The following IQCE variants were observed in gnomAD, a reference collection of about 807,000 sequenced individuals.
IQCE encodes IQ domain-containing protein E.
IQCE carries 115 observed loss-of-function variants against 96.0 expected under a neutral mutation model. The ratio of observed to expected loss-of-function variants is 1.20; its 90% CI spans 1.03 to 1.40. IQCE has a LOEUF of 1.40. Among genes scored for constraint, IQCE ranks in the 40% most tolerant of loss-of-function variants. IQCE has a pLI of 0.00. For synonymous variants in IQCE, 412 were observed against 371.2 expected (o/e 1.11, Z -1.26); for missense variants, 1,041 against 909.1 (o/e 1.15, Z -1.87).
At chr7:2,575,072 T>G (rs181707235) in intron 6 of IQCE, among the ~76,000 whole-genome samples, 21 of 152,352 alleles carry the variant, frequency 1.4e-4, no homozygotes, top group Non-Finnish European at 2.1e-4. Context: ...CATCTCAGTG[T>G]TGACATTATG....
At chr7:2,586,578 C>G (rs1333966304) in intron 12 of IQCE, among the ~76,000 whole-genome samples, 2 of 152,356 alleles carry the variant, frequency 1.3e-5, no homozygotes, top group Non-Finnish European at 2.9e-5. Flanking sequence ...TCACAGACAT[C>G]CCTGGAGGAG....
At chr7:2,572,590 C>T (rs1781838182) in intron 5 of IQCE, 9 of 615,082 alleles carry the variant, frequency 1.5e-5, no homozygotes, top group South Asian at 8.3e-5. Context: ...AACATAGAGG[C>T]GTACTTAAAT....
At chr7:2,592,885 C>T in intron 14 of IQCE, 137 bp from the exon 15 acceptor site, 1 of 877,504 alleles carries the variant, frequency 1.1e-6, no homozygotes, top group East Asian at 2.6e-5. Context: ...TAGAAATGGG[C>T]CTTTTGTGCT....
chr7:2,568,656 C>T (rs1159932628), intron 2 of IQCE, among the ~76,000 whole-genome samples: 1 of 152,216 alleles, frequency 6.6e-6, no homozygotes, highest in Non-Finnish European at 1.5e-5. Flanking sequence ...TGGGTGGGGG[C>T]AGATCCGCCA....
At chr7:2,609,960 A>C in intron 21 of IQCE, 84 bp from the exon 22 acceptor site, 2 of 753,596 alleles carry the variant, frequency 2.7e-6, no homozygotes, top group African/African-American at 1.7e-5. Context: ...CTGCCGGGGA[A>C]GAGCAGACAG....
intron 1 of IQCE, among the ~76,000 whole-genome samples, chr7:2,560,106 A>C (rs1780830579): frequency 6.6e-6 from 1 of 152,046 alleles, no homozygotes; most frequent in African/African-American, 2.4e-5. Flanking sequence ...GCTACAGTGA[A>C]CTGTGATCAT....
chr7:2,601,614 A>G (rs1189449209), intron 18 of IQCE, 150 bp downstream of exon 18: 4 of 679,884 alleles, frequency 5.9e-6, no homozygotes, highest in African/African-American at 1.8e-5. Flanking sequence ...CAGTGGTGCA[A>G]TCTTGGCTCA....
intron 16 of IQCE, among the ~76,000 whole-genome samples, chr7:2,597,489 G>A (rs776665254): frequency 3.9e-5 from 6 of 152,350 alleles, no homozygotes; most frequent in South Asian, 2.1e-4. Context: ...GGCCACCTGC[G>A]CCTGGCGCCT....
intron 6 of IQCE, 56 bp from the exon 7 acceptor site, chr7:2,578,186 T>C (rs1782351154): frequency 1.5e-6 from 2 of 1,341,090 alleles, no homozygotes; most frequent in South Asian, 1.2e-5. Flanking sequence ...GGGACGTGTG[T>C]GCGGCGTGTG....
intron 18 of IQCE, among the ~76,000 whole-genome samples, chr7:2,603,168 C>T (rs1784551497): frequency 6.6e-6 from 1 of 152,208 alleles, no homozygotes. Context: ...AGGCCCTCAT[C>T]CCGAGGTCTC....
rs774800551 is a variant in IQCE at position 2,598,510 on chromosome 7, C to T, written c.1486C>T (p.Gln496Ter). Residue 496 changes from glutamine to a stop codon, truncating the protein, a stop_gained, in exon 17 of 22, where the codon CAA (glutamine) becomes TAA (stop). Transcript: ENST00000402050. LOFTEE classifies it high-confidence loss of function. ...APTPSSRHCE[Q>*]DWPPDSSEEG... ...CACTCCCAGCAGCAGGCACTGCGAG[C>T]AAGACTGGCCGCCGGATTCCAGCGA... 1 of 1,609,782 alleles carries T rather than the reference C, an allele frequency of 6.2e-7. No individual in the cohort carries two copies. Among genetic ancestry groups the T allele is most frequent in the Non-Finnish European group, 8.5e-7 (1 of 1,178,118 alleles).
intron 20 of IQCE, 113 bp downstream of exon 20, chr7:2,606,110 G>T (rs1161522444): frequency 1.5e-6 from 2 of 1,311,690 alleles, no homozygotes; most frequent in African/African-American, 1.5e-5. Context: ...AGCAGCGCCT[G>T]CCGCCTGCCA....
Position 2,604,907 on chromosome 7 carries a change from C to CT in IQCE, c.1659_1660insT (p.Arg554Ter). The CT allele has an allele frequency of 6.2e-7, 1 of 1,613,774 alleles. No individual in the cohort carries two copies. The highest frequency in any genetic ancestry group is 8.5e-7 in the Non-Finnish European group (1 of 1,179,946). On this transcript the variant is annotated frameshift_variant, in exon 19 of 22. Transcript: ENST00000402050. LOFTEE classifies it high-confidence loss of function. The stretch of plus-strand genomic sequence containing the variant: ...CGGCTGTGGTGCTTCAGGCAGCTTT[C>CT]AGGGGACATCTCACGCGGACAAAGC...
chr7:2,594,147 C>G (rs186802833), intron 15 of IQCE, among the ~76,000 whole-genome samples: 1 of 152,282 alleles, frequency 6.6e-6, no homozygotes, highest in Non-Finnish European at 1.5e-5. Context: ...GTAATCCCAG[C>G]TACTTGGGAG....
chr7:2,569,619 G>A (rs190975348), intron 3 of IQCE, among the ~76,000 whole-genome samples: 108 of 152,248 alleles, frequency 7.1e-4, no homozygotes, highest in African/African-American at 2.4e-3. Context: ...ACAGCAGCCC[G>A]TGTGCCGACC....
intron 5 of IQCE, 44 bp from the exon 6 acceptor site, chr7:2,573,374 A>C (rs62442625): frequency 3.3e-6 from 3 of 908,220 alleles, no homozygotes; most frequent in Non-Finnish European, 5.5e-6. Flanking sequence ...AATTCTTTCT[A>C]CTTTGTAGAT....
intron 21 of IQCE, among the ~76,000 whole-genome samples, chr7:2,609,311 C>T (rs1583529532): frequency 1.4e-5 from 2 of 139,896 alleles, no homozygotes; most frequent in African/African-American, 2.7e-5. Flanking sequence ...GGGAAGTTGG[C>T]TTTTTTTTTT....
chr7:2,607,323 G>A (rs775145211), intron 21 of IQCE, 96 bp downstream of exon 21: 3 of 1,537,620 alleles, frequency 2.0e-6, no homozygotes, highest in East Asian at 2.4e-5. Flanking sequence ...GGCTGTGTCG[G>A]GACGGAAGGG....
intron 6 of IQCE, among the ~76,000 whole-genome samples, chr7:2,574,563 G>T (rs1781982806): frequency 6.6e-6 from 1 of 152,184 alleles, no homozygotes; most frequent in Non-Finnish European, 1.5e-5. Flanking sequence ...GTTACAGAGG[G>T]GATCCTCATT....
Sources: gnomAD v4.1 joint callset for allele counts (sites outside exome capture counted in the v4.1 genomes callset) on GRCh38, gnomAD v4.1.1 for gene constraint, MANE v1.5 for transcripts, NCBI Gene and HGNC (gene_info 2026-07-23, HGNC 2026-07-21) for gene names.